Variants in MYO15A observed in about 807,000 individuals in gnomAD.
The protein encoded by MYO15A is unconventional myosin-XV.
In MYO15A, 308 loss-of-function variants were observed where a neutral mutation model predicts 394.6. The observed-to-expected ratio is 0.78, with a 90% CI of 0.71 to 0.86. The LOEUF is 0.86. MYO15A is among the 40% of genes least tolerant of loss of function. The pLI is 0.00. For missense variants in MYO15A, 4,606 were observed against 4,799.1 expected, an observed-to-expected ratio of 0.96 and a Z score of 1.19; for synonymous variants, 1,957 against 2,003.8, an observed-to-expected ratio of 0.98 and a Z score of 0.62.
rs1417231340 is a variant in MYO15A, at chr17:18,151,956, G to T, written c.7893+5G>T. 1.3e-6 allele frequency: 2 copies of T among 1,556,026 alleles called. No individual in the cohort carries two copies. Among genetic ancestry groups the T allele is most frequent in the South Asian group, 2.4e-5 (2 of 84,354 alleles). ...GCAGCTGCACCTGGCACCCAGGTGA[G>T]GGGGGAAGGTGGGGCTGAGCCCAGG... On this transcript the variant is annotated splice_donor_5th_base_variant and intron_variant, in intron 41 of 65. Coordinates refer to ENST00000647165, the MANE Select transcript of MYO15A (RefSeq NM_016239.4).
rs756752580 is a variant in MYO15A at position 18,142,122 on chromosome 17, G to A, written c.5693G>A (p.Arg1898Gln). Residue 1898 changes from arginine (R) to glutamine (Q), a missense_variant, in exon 24 of 66, where the codon CGA becomes CAA. Physicochemically the swap from Arg to Gln is conservative, Grantham distance 43. Around this residue, in one of 2 missense-constraint regions of MYO15A, gnomAD observed 2,776 missense variants for 3,109.3 expected, o/e 0.89. Coordinates refer to ENST00000647165, the MANE Select transcript of MYO15A (RefSeq NM_016239.4). The part of the protein sequence containing the change: ...EHLYQLLESM[R>Q]EHVLNLAALT... ...CTATACCAGCTGCTGGAGAGTATGC[G>A]AGAGCATGTCCTGAATCTGGCAGCC... The A allele has an allele frequency of 7.4e-6, 12 of 1,613,622 alleles. No homozygotes were observed. Among genetic ancestry groups the A allele is most frequent in the South Asian group, 1.1e-5 (1 of 91,088 alleles).
chr17:18,124,606 T>G, intron 3 of MYO15A, 41 bp downstream of exon 3: 3 of 1,599,484 alleles, frequency 1.9e-6, no homozygotes, highest in Non-Finnish European at 2.6e-6. Context: ...GGGGTCACCA[T>G]GGGGTCCCCA....
At chr17:18,169,151 TAATAATAAA>T (rs58666138) in intron 62 of MYO15A, among the ~76,000 whole-genome samples, 24,730 of 119,584 alleles carry the variant, frequency 0.21, 2,188 homozygotes, top group Middle Eastern at 0.31. Context: ...ATAATAATAA[TAATAATAAA>T]AATAGGCTGG....
In MYO15A at chr17:18,178,875, GC is replaced by G. The variant is rs1271690489; in HGVS notation, c.*10del. 9 of 1,611,938 alleles carry G rather than the reference GC, an allele frequency of 5.6e-6. No individual in the cohort carries two copies. The highest frequency in any genetic ancestry group is 7.6e-6 in the Non-Finnish European group (9 of 1,179,734). ...AGCGAGATCACCCTGCTCTGACCCA[GC>G]CCCCAGCCCTCCAGTACCTTCTGCC... On this transcript the variant is annotated 3_prime_UTR_variant, in exon 66 of 66. Transcript: ENST00000647165.
chr17:18,156,393 T>G (rs1597808817), intron 48 of MYO15A, 57 bp downstream of exon 48: 1 of 1,560,072 alleles, frequency 6.4e-7, no homozygotes, highest in Non-Finnish European at 8.8e-7. Context: ...GCAACAGGGA[T>G]CTCCCTGTTC....
chr17:18,144,463 CTCTG>C, intron 28 of MYO15A, 30 bp from the exon 29 acceptor site: 2 of 1,547,020 alleles, frequency 1.3e-6, no homozygotes, highest in Non-Finnish European at 1.8e-6. Context: ...GTCAGTCCAG[CTCTG>C]TCTGCTCATG....
In MYO15A at chr17:18,158,534, C is replaced by G; in HGVS notation, c.8979C>G (p.Val2993=). The G allele has an allele frequency of 6.2e-7, 1 of 1,614,136 alleles. No individual in the cohort carries two copies. Among genetic ancestry groups the G allele is most frequent in the Admixed American group, 1.7e-5 (1 of 60,020 alleles). Residue 2993 remains valine, a synonymous_variant, in exon 52 of 66, where the codon GTC becomes GTG. Coordinates refer to ENST00000647165, the MANE Select transcript of MYO15A (RefSeq NM_016239.4). ...CGCCTCTTCTGCAGGGTCCCCCAGT[C>G]AGGGCCCGCTCTGCTGACCATGGGG... The part of the protein sequence containing the change: ...EVGRRREGPP[V]RARSADHGED...
chr17:18,119,328 G>A lies in MYO15A; in HGVS notation c.528G>A (p.Ser176=), dbSNP rs201804382. 6 of 1,609,750 alleles carry A rather than the reference G, an allele frequency of 3.7e-6. No individual in the cohort carries two copies. Among genetic ancestry groups the A allele is most frequent in the African/African-American group, 2.7e-5 (2 of 74,978 alleles). Reference sequence around the variant, plus strand: ...GCTCCCGCAAACTCCCCTTCCCGTCGGGTGCCGAGATCCTGCGGCCTGGGG... The same window carrying A: ...GCTCCCGCAAACTCCCCTTCCCGTCAGGTGCCGAGATCCTGCGGCCTGGGG... ...RMGSRKLPFP[S]GAEILRPGGR... The change falls in exon 2 of 66, where the codon TCG becomes TCA. Residue 176 remains serine, a synonymous_variant. Coordinates refer to ENST00000647165, the MANE Select transcript of MYO15A (RefSeq NM_016239.4).
intron 43 of MYO15A, 38 bp from the exon 44 acceptor site, chr17:18,154,093 G>T (rs756695682): frequency 1.9e-5 from 30 of 1,612,196 alleles, no homozygotes; most frequent in Non-Finnish European, 2.4e-5. Flanking sequence ...AGGCCAGGGG[G>T]CAGTCGGACA....
Position 18,145,901 on chromosome 17 carries a change from G to A in MYO15A, c.6303G>A (p.Leu2101=), listed in dbSNP as rs1222314481. ...LILRFMGDPH[L]HGARENIFGN... is the part of the protein sequence containing the mutation. The stretch of plus-strand genomic sequence containing the variant: ...TGCGCTTCATGGGCGACCCCCACCT[G>A]CATGGTGCCCGGGAGAACATCTTCG... Residue 2101 remains leucine (L), a synonymous_variant, in exon 30 of 66, where the codon CTG becomes CTA. Coordinates refer to ENST00000647165, the MANE Select transcript of MYO15A (RefSeq NM_016239.4). The A allele has an allele frequency of 5.0e-6, 8 of 1,613,406 alleles. No individual in the cohort carries two copies. The highest frequency in any genetic ancestry group is 1.7e-5 in the Admixed American group (1 of 59,986).
Position 18,119,631 on chromosome 17 carries a change from C to G in MYO15A, c.831C>G (p.His277Gln). The change falls in exon 2 of 66, where the codon CAC becomes CAG. Residue 277 changes from histidine to glutamine, a missense_variant. By Grantham distance (24) the His-to-Gln change is conservative (BLOSUM62 0). Coordinates refer to ENST00000647165, the MANE Select transcript of MYO15A (RefSeq NM_016239.4). ...CGGCCTGGCCACCCTACGGCGACCA[C>G]TACTACGGGTACCCGCCCGAGGATC... is the stretch of plus-strand genomic sequence containing the variant. ...YSPAWPPYGD[H>Q]YYGYPPEDPY... 3 of 1,603,384 alleles carry G rather than the reference C, an allele frequency of 1.9e-6. No homozygotes were observed. Among genetic ancestry groups the G allele is most frequent in the Non-Finnish European group, 2.5e-6 (3 of 1,179,914 alleles).
At position 18,119,745 on chromosome 17, in the gene MYO15A, A is replaced by C; in HGVS notation, c.945A>C (p.Pro315=). 3 of 1,612,724 alleles carry C rather than the reference A, an allele frequency of 1.9e-6. No individual in the cohort carries two copies. The highest frequency in any genetic ancestry group is 2.5e-6 in the Non-Finnish European group (3 of 1,179,978). The change falls in exon 2 of 66, where the codon CCA becomes CCC. Residue 315 remains proline, a synonymous_variant. Coordinates refer to ENST00000647165, the MANE Select transcript of MYO15A (RefSeq NM_016239.4). ...YGYGYDDYEP[P]YAPPSGYSSP... The stretch of plus-strand genomic sequence containing the variant: ...ACGGCTACGACGATTACGAACCCCC[A>C]TATGCGCCCCCGTCGGGGTACTCGT...
chr17:18,163,154 T>G (rs1470301501), intron 58 of MYO15A, 90 bp from the exon 59 acceptor site: 4 of 1,408,576 alleles, frequency 2.8e-6, no homozygotes, highest in Non-Finnish European at 4.0e-6. Flanking sequence ...CCCAGGATCC[T>G]TTGGCTTGGG....
In MYO15A at chr17:18,126,416, G is replaced by A. The variant is rs1050453318; in HGVS notation, c.3826G>A (p.Val1276Met). 3 of 1,613,898 alleles carry A rather than the reference G, an allele frequency of 1.9e-6. No individual in the cohort carries two copies. In the African/African-American group the frequency reaches 4.0e-5, roughly 22 times the overall value. Residue 1276 changes from valine (V) to methionine (M), a missense_variant, in exon 5 of 66, where the codon GTG (valine) becomes ATG (methionine). This residue lies in a region of MYO15A where 2,776 missense variants were observed against 3,109.3 expected (regional missense o/e 0.89). Coordinates refer to ENST00000647165, the MANE Select transcript of MYO15A (RefSeq NM_016239.4). ...QMFGIYGPEQ[V>M]QQYNGRALGE... ...GTTTGGAATCTATGGGCCGGAGCAG[G>A]TGCAGCAGTACAACGGACGGGCCCT...
At chr17:18,163,127 G>A in intron 58 of MYO15A, 117 bp from the exon 59 acceptor site, 1 of 1,097,208 alleles carries the variant, frequency 9.1e-7, no homozygotes, top group Non-Finnish European at 1.4e-6. Context: ...GTGCTCAAGT[G>A]TTCCTACACG....
In MYO15A at chr17:18,131,341, G is replaced by A. The variant is rs370871627; in HGVS notation, c.4141G>A (p.Gly1381Arg). The A allele has an allele frequency of 1.4e-5, 23 of 1,613,990 alleles. No homozygotes were observed. In the African/African-American group the frequency reaches 2.8e-4, roughly 20 times the overall value. ...FGKFVEIFLE[G>R]GVISGAITSQ... is the part of the protein sequence containing the mutation. ...GAAGTTTGTGGAAATCTTTCTGGAAGGGTGAGTTGGGACAGTGGAGGGCCT... is the reference window on the plus strand; with the variant it reads ...GAAGTTTGTGGAAATCTTTCTGGAAAGGTGAGTTGGGACAGTGGAGGGCCT... Residue 1381 changes from glycine to arginine, a missense_variant and splice_region_variant, in exon 9 of 66, where the codon GGG becomes AGG. Gly to Arg is a moderately radical substitution (Grantham distance 125). This residue lies in a region of MYO15A where 2,776 missense variants were observed against 3,109.3 expected (regional missense o/e 0.89). Coordinates refer to ENST00000647165, the MANE Select transcript of MYO15A (RefSeq NM_016239.4).
chr17:18,148,564 C>A lies in MYO15A; in HGVS notation c.6760C>A (p.His2254Asn). ...GEEVAGDILR[H>N]RGLADGWRGW... ...AGAGGTGGCTGGAGACATTCTGAGG[C>A]ACAGGTTGGCTCCTAGGATGCCCTC... Residue 2254 changes from histidine to asparagine, a missense_variant, in exon 32 of 66, where the codon CAC becomes AAC. His to Asn is a moderately conservative substitution (Grantham distance 68, BLOSUM62 1). This residue lies in a region of MYO15A where 2,776 missense variants were observed against 3,109.3 expected (regional missense o/e 0.89). Coordinates refer to ENST00000647165, the MANE Select transcript of MYO15A (RefSeq NM_016239.4). The surrounding 1 kb of genome is among the most constrained non-coding windows in gnomAD (Gnocchi z 4.8). 2 of 1,551,872 alleles carry A rather than the reference C, an allele frequency of 1.3e-6. No individual in the cohort carries two copies. The highest frequency in any genetic ancestry group is 2.7e-5 in the African/African-American group (2 of 73,140).
At position 18,151,380 on chromosome 17, in the gene MYO15A, G is replaced by C; in HGVS notation, c.7655-15G>C. ...TGTGGCCTCACCCTGTTCCCACCGC[G>C]CCCCTTGCCCACAGCTTCACCCTCC... On this transcript the variant is annotated splice_polypyrimidine_tract_variant and intron_variant, in intron 39 of 65. Coordinates refer to ENST00000647165, the MANE Select transcript of MYO15A (RefSeq NM_016239.4). The C allele has an allele frequency of 1.2e-6, 2 of 1,614,114 alleles. No homozygotes were observed. Among genetic ancestry groups the C allele is most frequent in the Non-Finnish European group, 1.7e-6 (2 of 1,180,020 alleles).
rs763069463 is a variant in MYO15A, at chr17:18,122,243, G to C, written c.3443G>C (p.Arg1148Thr). The C allele has an allele frequency of 2.5e-6, 4 of 1,613,120 alleles. No individual in the cohort carries two copies. Among genetic ancestry groups the C allele is most frequent in the Non-Finnish European group, 3.4e-6 (4 of 1,180,032 alleles). Residue 1148 changes from arginine (R) to threonine (T), a missense_variant, in exon 2 of 66, where the codon AGA (arginine) becomes ACA (threonine). Coordinates refer to ENST00000647165, the MANE Select transcript of MYO15A (RefSeq NM_016239.4). The stretch of plus-strand genomic sequence containing the variant: ...CAGCCCATTCAGGACCCCAAGCCAA[G>C]AGCCTGTAGTCTTCGCTGGTCCTGC... ...QVQPIQDPKP[R>T]ACSLRWSCLW...
Sources: allele counts gnomAD v4.1 joint callset (sites outside exome capture counted in the v4.1 genomes callset), GRCh38; gene constraint gnomAD v4.1.1; regional missense constraint gnomAD v4.1.1; non-coding constraint Gnocchi (gnomAD v3.1); transcripts MANE v1.5; gene names NCBI Gene and HGNC (gene_info 2026-07-23, HGNC 2026-07-21).